Variants in FN1 observed in about 807,000 individuals in gnomAD.
FN1 encodes fibronectin.
In FN1, 106 loss-of-function variants were observed where a neutral mutation model predicts 297.3. That is an observed-to-expected ratio of 0.36 (90% CI 0.30 to 0.42). FN1 has a LOEUF of 0.42. Among genes scored for constraint, FN1 ranks in the 10% least tolerant of loss-of-function variants. FN1 has a pLI of 1.00. For synonymous variants in FN1, 1,149 were observed against 1,152.6 expected (o/e 1.00, Z 0.06); for missense variants, 2,690 against 3,124.9 (o/e 0.86, Z 3.32).
intron 23 of FN1, 59 bp downstream of exon 23, chr2:215,397,078 A>C (rs765713375): frequency 8.3e-6 from 9 of 1,084,652 alleles, no homozygotes; most frequent in Non-Finnish European, 1.3e-5. Flanking sequence ...ACAGTTTCTA[A>C]AATCTTTGTC....
At chr2:215,417,187 T>G (rs2063546348) in intron 12 of FN1, among the ~76,000 whole-genome samples, 1 of 152,204 alleles carries the variant, frequency 6.6e-6, no homozygotes. Flanking sequence ...TACTGGTAGT[T>G]GGTATAACTT....
chr2:215,401,198 A>AAAAGAAAG (rs1168414564), intron 20 of FN1, among the ~76,000 whole-genome samples: 4,513 of 86,756 alleles, frequency 0.052, 812 homozygotes, highest in South Asian at 0.076. Context: ...AGAAAGAAAG[A>AAAAGAAAG]AAAGAAAGAA....
intron 26 of FN1, among the ~76,000 whole-genome samples, chr2:215,390,186 G>C (rs1045377366): frequency 1.4e-5 from 2 of 141,228 alleles, no homozygotes; most frequent in African/African-American, 6.4e-5. Context: ...ATGTTTATTT[G>C]TTTGTTTATT....
chr2:215,384,819 C>A, intron 29 of FN1, 41 bp downstream of exon 29: 1 of 1,326,468 alleles, frequency 7.5e-7, no homozygotes, highest in Non-Finnish European at 1.1e-6. Flanking sequence ...ACAACAGAAT[C>A]TGATTTAATC....
chr2:215,388,792 G>A (rs1284920966), intron 26 of FN1, among the ~76,000 whole-genome samples: 1 of 152,028 alleles, frequency 6.6e-6, no homozygotes, highest in Non-Finnish European at 1.5e-5. Flanking sequence ...GACCATCACC[G>A]CATTCAAGAA....
intron 1 of FN1, 113 bp from the exon 2 acceptor site, chr2:215,434,937 A>C: frequency 8.4e-7 from 1 of 1,193,848 alleles, no homozygotes; most frequent in Non-Finnish European, 1.2e-6. Flanking sequence ...AACTTTGCTA[A>C]AAGTTATATA....
intron 13 of FN1, among the ~76,000 whole-genome samples, chr2:215,414,158 T>C (rs1421397991): frequency 2.0e-5 from 3 of 152,210 alleles, no homozygotes; most frequent in Non-Finnish European, 4.4e-5. Context: ...TTATGAGCCA[T>C]GAACTTTGGA....
intron 38 of FN1, among the ~76,000 whole-genome samples, chr2:215,374,500 T>C (rs918045023): frequency 1.3e-5 from 2 of 152,206 alleles, no homozygotes; most frequent in African/African-American, 4.8e-5. Context: ...GTTTTGTAAG[T>C]ATCTGGAAGT....
chr2:215,427,890 G>T (rs1344011256), intron 6 of FN1, among the ~76,000 whole-genome samples: 2 of 148,404 alleles, frequency 1.3e-5, no homozygotes, highest in Non-Finnish European at 3.0e-5. Flanking sequence ...TCTATCCATG[G>T]TAAGTTTTAT....
rs778646124 is a variant in FN1 at position 215,407,182 on chromosome 2, A to G, written c.2658T>C (p.Asn886=). ...YNITIYAVEE[N]QESTPVVIQQ... Reference sequence around the variant, plus strand: ...GAATGACAACAGGTGTACTTTCTTGATTTTCTTCCACAGCATAGATAGTGA... The same window carrying G: ...GAATGACAACAGGTGTACTTTCTTGGTTTTCTTCCACAGCATAGATAGTGA... Residue 886 remains asparagine, a synonymous_variant, in exon 18 of 46, where the codon AAT becomes AAC. Transcript: ENST00000354785. The G allele has an allele frequency of 2.5e-6, 4 of 1,613,954 alleles. No individual in the cohort carries two copies. In the African/African-American group the frequency reaches 4.0e-5, roughly 16 times the overall value.
intron 26 of FN1, among the ~76,000 whole-genome samples, chr2:215,389,658 C>T (rs549457150): frequency 6.6e-6 from 1 of 152,114 alleles, no homozygotes; most frequent in African/African-American, 2.4e-5. Flanking sequence ...GGCGTGGTGG[C>T]TCACGCCTGT....
At position 215,361,550 on chromosome 2, in the gene FN1, A is replaced by C. The variant is rs753002890; in HGVS notation, c.*5T>G. 3 of 1,594,634 alleles carry C rather than the reference A, an allele frequency of 1.9e-6. No individual in the cohort carries two copies. Among genetic ancestry groups the C allele is most frequent in the Non-Finnish European group, 2.6e-6 (3 of 1,162,228 alleles). On this transcript the variant is annotated 3_prime_UTR_variant, in exon 46 of 46. Coordinates refer to ENST00000354785, the MANE Select transcript of FN1 (RefSeq NM_212482.4). ...ATGCTTGTTCCTCTGGATTGGAAAG[A>C]TGATTTACTCTCGGGAATCTTCTCT...
At position 215,399,335 on chromosome 2, in the gene FN1, A is replaced by G. The variant is rs1163404067; in HGVS notation, c.3270T>C (p.Ser1090=). ...GVFTTLQPGS[S]IPPYNTEVTE... The stretch of plus-strand genomic sequence containing the variant: ...TCACCTCGGTGTTGTAAGGTGGAAT[A>G]GAGCTCCCAGGCTGCACTGTGAGAG... Residue 1090 remains serine (S), a synonymous_variant, in exon 21 of 46, where the codon TCT becomes TCC. Coordinates refer to ENST00000354785, the MANE Select transcript of FN1 (RefSeq NM_212482.4). 1 of 1,613,150 alleles carries G rather than the reference A, an allele frequency of 6.2e-7. No individual in the cohort carries two copies. Among genetic ancestry groups the G allele is most frequent in the South Asian group, 1.1e-5 (1 of 91,064 alleles).
intron 14 of FN1, 45 bp downstream of exon 14, chr2:215,409,889 T>C (rs2062340175): frequency 3.1e-6 from 5 of 1,610,662 alleles, no homozygotes; most frequent in Admixed American, 1.7e-5. Context: ...AGCCTAGCTC[T>C]AGGAACCTCG....
chr2:215,413,916 A>G (rs943985299), intron 13 of FN1, among the ~76,000 whole-genome samples: 3 of 152,110 alleles, frequency 2.0e-5, no homozygotes, highest in African/African-American at 7.2e-5. Flanking sequence ...TCTTTCCACT[A>G]ATTTTCTGGG....
Position 215,425,080 on chromosome 2 carries a change from A to C in FN1, c.1036+14T>G, listed in dbSNP as rs751378406. On this transcript the variant is annotated intron_variant, in intron 7 of 45. Transcript: ENST00000354785. Reference sequence around the variant, plus strand: ...AAAGTCATCAGTCCTATTCTTCAAAAAGATAATGCATACCTGTCTCTTGGC... The same window carrying C: ...AAAGTCATCAGTCCTATTCTTCAAACAGATAATGCATACCTGTCTCTTGGC... 3.1e-6 allele frequency: 5 copies of C among 1,612,492 alleles called. No homozygotes were observed. The highest frequency in any genetic ancestry group is 3.4e-6 in the Non-Finnish European group (4 of 1,178,612).
At chr2:215,420,544 G>A in intron 11 of FN1, 129 bp downstream of exon 11, 1 of 1,196,324 alleles carries the variant, frequency 8.4e-7, no homozygotes, top group Non-Finnish European at 1.2e-6. Flanking sequence ...ACTTTGCAAA[G>A]TTCTTTGCAA....
intron 37 of FN1, 73 bp downstream of exon 37, chr2:215,375,556 C>G: frequency 7.8e-7 from 1 of 1,279,610 alleles, no homozygotes; most frequent in Non-Finnish European, 1.1e-6. Context: ...ATACGCCTCA[C>G]ATTTGTTTTT....
At chr2:215,366,222 GAATAGTCAAATGA>G (rs2054580710) in intron 42 of FN1, among the ~76,000 whole-genome samples, 1 of 152,068 alleles carries the variant, frequency 6.6e-6, no homozygotes, top group Non-Finnish European at 1.5e-5. Flanking sequence ...CATGTCATCA[GAATAGTCAAATGA>G]AATGACTTTC....
Sources: gnomAD v4.1 joint callset for allele counts (sites outside exome capture counted in the v4.1 genomes callset) on GRCh38, gnomAD v4.1.1 for gene constraint, MANE v1.5 for transcripts, NCBI Gene and HGNC (gene_info 2026-07-23, HGNC 2026-07-21) for gene names.